Variants in PHF3 observed in about 807,000 individuals in gnomAD.
PHF3 encodes PHD finger protein 3.
PHF3 carries 41 observed loss-of-function variants against 178.4 expected under a neutral mutation model. The ratio of observed to expected loss-of-function variants is 0.23; its 90% CI spans 0.18 to 0.30. PHF3 has a LOEUF of 0.30. Ranked by LOEUF, PHF3 falls within the 10% of genes least tolerant of loss-of-function variation. The probability of loss-of-function intolerance (pLI) is 1.00; values close to 1 mark genes in which losing one functional copy is unlikely to be tolerated. For synonymous variants in PHF3, 842 were observed against 800.5 expected (o/e 1.05, Z -0.88); for missense variants, 2,346 against 2,398.1 (o/e 0.98, Z 0.45).
intron 4 of PHF3, among the ~76,000 whole-genome samples, chr6:63,689,535 C>T (rs988645948): frequency 6.6e-6 from 1 of 152,122 alleles, no homozygotes; most frequent in African/African-American, 2.4e-5. Context: ...ATTCTCTGAT[C>T]TTAGAAGAGT....
Position 63,684,561 on chromosome 6 carries a change from C to T in PHF3, c.839C>T (p.Pro280Leu), listed in dbSNP as rs1276045891. The T allele has an allele frequency of 2.5e-6, 4 of 1,613,890 alleles. No individual in the cohort carries two copies. The East Asian group carries it at 6.7e-5, about 27-fold the overall frequency. The stretch of plus-strand genomic sequence containing the variant: ...GCTTTGATGGAATGTAAAGCCAAGC[C>T]TGTTGGTAGTCCATTGTTTAAGTTT... ...NEALMECKAK[P>L]VGSPLFKFSD... is the part of the protein sequence containing the mutation. The change falls in exon 4 of 16, where the codon CCT becomes CTT. Residue 280 changes from proline to leucine, a missense_variant. Pro to Leu is a moderately conservative substitution (Grantham distance 98, BLOSUM62 -3). Around this residue, in one of 8 missense-constraint regions of PHF3, gnomAD observed 843 missense variants for 795.2 expected, o/e 1.06. Transcript: ENST00000262043.
chr6:63,705,981 A>G (rs775348318), intron 11 of PHF3, 48 bp from the exon 12 acceptor site: 10 of 1,435,984 alleles, frequency 7.0e-6, no homozygotes, highest in Non-Finnish European at 9.4e-6. Flanking sequence ...GTTAAGTTAT[A>G]AAAGTTGTAG....
At chr6:63,694,019 A>G (rs575825912) in intron 5 of PHF3, among the ~76,000 whole-genome samples, 2 of 152,352 alleles carry the variant, frequency 1.3e-5, no homozygotes, top group South Asian at 4.1e-4. Flanking sequence ...ACCCTATTTT[A>G]AAACCTGAGT....
At chr6:63,680,852 A>G (rs114587086) in intron 3 of PHF3, among the ~76,000 whole-genome samples, 1,610 of 152,134 alleles carry the variant, frequency 0.011, 25 homozygotes, top group African/African-American at 0.037. Flanking sequence ...TGTTAGTCCT[A>G]TGAGCCTGAT....
At chr6:63,677,210 A>G (rs1238883312) in intron 2 of PHF3, among the ~76,000 whole-genome samples, 2 of 152,138 alleles carry the variant, frequency 1.3e-5, no homozygotes, top group African/African-American at 2.4e-5. Context: ...ACCTATGGGA[A>G]TCATTAGAGT....
At chr6:63,652,839 A>G (rs1765072991) in intron 2 of PHF3, among the ~76,000 whole-genome samples, 1 of 152,026 alleles carries the variant, frequency 6.6e-6, no homozygotes, top group East Asian at 1.9e-4. Context: ...TCAGTTGGTT[A>G]TAAATATGTG....
At chr6:63,663,891 A>G (rs988229776) in intron 2 of PHF3, among the ~76,000 whole-genome samples, 2 of 152,196 alleles carry the variant, frequency 1.3e-5, no homozygotes, top group African/African-American at 4.8e-5. Flanking sequence ...TCAATAAAAA[A>G]GGGGAGGGAA....
chr6:63,680,302 A>G lies in PHF3; in HGVS notation c.406+141A>G, dbSNP rs1379920717. ...TTTGATGGCAATCAGTTTTGAGATC[A>G]TATCAATTTGTTGTATAAGTTTTCA... On this transcript the variant is annotated intron_variant, in intron 3 of 15. Transcript: ENST00000262043. 29 of 673,232 alleles carry G rather than the reference A, an allele frequency of 4.3e-5. No homozygotes were observed. In the East Asian group the frequency reaches 6.7e-4, roughly 16 times the overall value. The allele number at this position is 673,232 out of a possible 1,614,324, so 41.7% of individuals were successfully genotyped here. A position where few individuals can be genotyped will look rare whatever the true frequency, so the allele number is the denominator to read the frequency against.
chr6:63,639,048 C>T (rs938316338), intron 1 of PHF3, among the ~76,000 whole-genome samples: 1 of 152,022 alleles, frequency 6.6e-6, no homozygotes, highest in African/African-American at 2.4e-5. Context: ...GGGAAAATAT[C>T]AAGAGTTTTA....
At position 63,715,111 on chromosome 6, in the gene PHF3, G is replaced by C. The variant is rs1768145409; in HGVS notation, c.*1403G>C. On this transcript the variant is annotated 3_prime_UTR_variant, in exon 16 of 16. Transcript: ENST00000262043. The stretch of plus-strand genomic sequence containing the variant: ...GTTTTCCTAAAGAGCTTAAAGATTA[G>C]AGTTAAAAATTGGTTTTGAAACAGA... 1 of 152,042 alleles carries C rather than the reference G, an allele frequency of 6.6e-6. No individual in the cohort carries two copies. Among genetic ancestry groups the C allele is most frequent in the African/African-American group, 2.4e-5 (1 of 41,416 alleles). 9.4% of individuals were successfully genotyped at this position (152,042 alleles called of 1,614,324 possible). A position where few individuals can be genotyped will look rare whatever the true frequency, so the allele number is the denominator to read the frequency against.
chr6:63,663,219 AAGAT>A (rs1417406278), intron 2 of PHF3, among the ~76,000 whole-genome samples: 4 of 152,180 alleles, frequency 2.6e-5, no homozygotes, highest in Admixed American at 6.5e-5. Context: ...ATTCTGATGA[AAGAT>A]AGAGAGCTGC....
chr6:63,702,361 A>G, intron 9 of PHF3, 147 bp from the exon 10 acceptor site: 1 of 480,918 alleles, frequency 2.1e-6, no homozygotes, highest in Non-Finnish European at 3.6e-6. Context: ...AGTACTCAGA[A>G]TATGTTTGTT....
At chr6:63,678,583 C>CT (rs879702087) in intron 2 of PHF3, among the ~76,000 whole-genome samples, 1,687 of 144,748 alleles carry the variant, frequency 0.012, 26 homozygotes, top group African/African-American at 0.037. Flanking sequence ...TTCTGCCAAT[C>CT]TTTTTTTTTT....
chr6:63,646,869 CTTTTTTCT>C (rs1222265287), intron 2 of PHF3, 74 bp downstream of exon 2: 52 of 858,806 alleles, frequency 6.1e-5, no homozygotes, highest in South Asian at 3.2e-4. Context: ...GCAGCTTTTT[CTTTTTTCT>C]TTTTTTCTTT....
At chr6:63,671,120 A>T (rs1186793770) in intron 2 of PHF3, among the ~76,000 whole-genome samples, 2 of 152,016 alleles carry the variant, frequency 1.3e-5, no homozygotes, top group African/African-American at 4.8e-5. Context: ...TTTTTTTTTA[A>T]ACCTATTCCT....
intron 9 of PHF3, among the ~76,000 whole-genome samples, chr6:63,701,642 C>G (rs1036508488): frequency 6.6e-6 from 1 of 152,168 alleles, no homozygotes; most frequent in Admixed American, 6.5e-5. Context: ...TATGCCAGAT[C>G]TAGTTTGAAG....
chr6:63,691,927 C>G lies in PHF3; in HGVS notation c.2380C>G (p.His794Asp). Reference sequence around the variant, plus strand: ...GGAAAACCAAGCTACAGTTGAATTCCATAGTGGAGATAAAACAATGGAGTG... The same window carrying G: ...GGAAAACCAAGCTACAGTTGAATTCGATAGTGGAGATAAAACAATGGAGTG... ...TLENQATVEFHSGDKTMECEK... is the reference protein window; with the variant it reads ...TLENQATVEFDSGDKTMECEK... Residue 794 changes from histidine (H) to aspartate (D), a missense_variant, in exon 5 of 16, where the codon CAT becomes GAT. His to Asp is a moderately conservative substitution (Grantham distance 81, BLOSUM62 -1). This residue lies in a region of PHF3 where 252 missense variants were observed against 232.0 expected (regional missense o/e 1.09). Coordinates refer to ENST00000262043, the MANE Select transcript of PHF3 (RefSeq NM_001370348.2). 1 of 1,613,406 alleles carries G rather than the reference C, an allele frequency of 6.2e-7. No individual in the cohort carries two copies.
chr6:63,686,729 A>G (rs1325663004), intron 4 of PHF3, among the ~76,000 whole-genome samples: 2 of 152,212 alleles, frequency 1.3e-5, no homozygotes, highest in Admixed American at 1.3e-4. Flanking sequence ...ACTTCTTTCA[A>G]TGCTGATATG....
rs1768266218 is a variant in PHF3, at chr6:63,718,768, C to T, written c.*5060C>T. Among the ~76,000 whole-genome samples the T allele has an allele frequency of 6.6e-6, 1 of 152,026 alleles. No homozygotes were observed. Among genetic ancestry groups the T allele is most frequent in the Non-Finnish European group, 1.5e-5 (1 of 67,956 alleles). On this transcript the variant is annotated 3_prime_UTR_variant, in exon 16 of 16. Coordinates refer to ENST00000262043, the MANE Select transcript of PHF3 (RefSeq NM_001370348.2). ...AGGCACACTTTATTATGAGAGAACA[C>T]ATGGCCGAATATGATGGGAGTGTGG...
Sources: allele counts gnomAD v4.1 joint callset (sites outside exome capture counted in the v4.1 genomes callset), GRCh38; gene constraint gnomAD v4.1.1; regional missense constraint gnomAD v4.1.1; transcripts MANE v1.5; gene names NCBI Gene and HGNC (gene_info 2026-07-23, HGNC 2026-07-21).